CPED1: variants seen among roughly 807,000 people sequenced by gnomAD.
CPED1 encodes cadherin like and PC-esterase domain containing 1.
CPED1 carries 114 observed loss-of-function variants against 128.2 expected under a neutral mutation model. That is an observed-to-expected ratio of 0.89 (90% CI 0.76 to 1.04). The LOEUF (loss-of-function observed/expected upper bound fraction) is 1.04, where lower values mean the gene tolerates loss of function less well. Ranked by LOEUF, CPED1 falls within the 50% of genes least tolerant of loss-of-function variation. The pLI is 0.00. For synonymous variants in CPED1, 462 were observed against 426.7 expected (o/e 1.08, Z -1.02); for missense variants, 1,211 against 1,207.1 (o/e 1.00, Z -0.05).
intron 3 of CPED1, among the ~76,000 whole-genome samples, chr7:121,026,674 A>AG (rs1792594240): frequency 6.6e-6 from 1 of 151,900 alleles, no homozygotes; most frequent in Non-Finnish European, 1.5e-5. Flanking sequence ...TTTAAAAAAA[A>AG]AAAAAAAAAA....
intron 16 of CPED1, among the ~76,000 whole-genome samples, chr7:121,152,426 G>T (rs2402559): frequency 0.43 from 65,279 of 152,078 alleles, 15,533 homozygotes; most frequent in East Asian, 0.84. Flanking sequence ...TTCTTTGAGT[G>T]AAATAATCCC....
intron 16 of CPED1, among the ~76,000 whole-genome samples, chr7:121,189,959 C>T (rs183149600): frequency 1.3e-5 from 2 of 151,416 alleles, no homozygotes; most frequent in East Asian, 1.9e-4. Flanking sequence ...CAGGCAACAA[C>T]AGTGAACAAG....
chr7:121,144,630 T>C (rs867127745), intron 16 of CPED1, among the ~76,000 whole-genome samples: 1 of 151,970 alleles, frequency 6.6e-6, no homozygotes, highest in South Asian at 2.1e-4. Flanking sequence ...ACAGGGCAAC[T>C]GTAGTTAGCA....
chr7:121,202,144 G>A (rs1797414157), intron 16 of CPED1, among the ~76,000 whole-genome samples: 1 of 152,064 alleles, frequency 6.6e-6, no homozygotes, highest in Non-Finnish European at 1.5e-5. Flanking sequence ...CCTCTGACCT[G>A]GCTTCCAAAC....
At chr7:121,290,178 G>C (rs148556401) in intron 22 of CPED1, among the ~76,000 whole-genome samples, 7 of 152,118 alleles carry the variant, frequency 4.6e-5, no homozygotes, top group African/African-American at 7.2e-5. Flanking sequence ...TGGTATATAC[G>C]TGCCACATTT....
intron 16 of CPED1, among the ~76,000 whole-genome samples, chr7:121,220,853 A>G (rs1797859304): frequency 6.6e-6 from 1 of 152,034 alleles, no homozygotes; most frequent in Admixed American, 6.6e-5. Flanking sequence ...AATCAAGTAT[A>G]TATACTAACA....
In CPED1 at chr7:121,044,648, C is replaced by CTTTTTTTTTTTTTTTT. The variant is rs35159862; in HGVS notation, c.434-2238_434-2237insTTTTTTTTTTTTTTTT. On this transcript the variant is annotated intron_variant, in intron 3 of 22. Coordinates refer to ENST00000310396, the MANE Select transcript of CPED1 (RefSeq NM_024913.5). Reference sequence around the variant, plus strand: ...GATTGCTGAGAGCAGTGACTTTCTGCTCTTTTTTTTTTTTTTTTTTTGCTA... The same window carrying CTTTTTTTTTTTTTTTT: ...GATTGCTGAGAGCAGTGACTTTCTGCTTTTTTTTTTTTTTTTTCTTTTTTTTTTTTTTTTTTTGCTA... Among the ~76,000 whole-genome samples, 212 of 69,456 alleles carry CTTTTTTTTTTTTTTTT rather than the reference C, an allele frequency of 3.1e-3. 54 individuals carry two copies. Among genetic ancestry groups the CTTTTTTTTTTTTTTTT allele is most frequent in the South Asian group, 4.3e-3 (7 of 1,612 alleles). The allele number at this position is 69,456 out of a possible 152,430, so 45.6% of individuals were successfully genotyped here.
intron 16 of CPED1, among the ~76,000 whole-genome samples, chr7:121,148,960 A>G (rs1796089943): frequency 6.6e-6 from 1 of 152,212 alleles, no homozygotes; most frequent in African/African-American, 2.4e-5. Context: ...TGCTGTGCCT[A>G]ACAGAGTAGT....
At chr7:121,187,120 A>G (rs184121079) in intron 16 of CPED1, among the ~76,000 whole-genome samples, 9 of 152,340 alleles carry the variant, frequency 5.9e-5, no homozygotes, top group Admixed American at 3.3e-4. Flanking sequence ...GGAGTTTATA[A>G]TATATTTTAT....
intron 14 of CPED1, among the ~76,000 whole-genome samples, chr7:121,139,699 A>C (rs1795858988): frequency 6.6e-6 from 1 of 152,094 alleles, no homozygotes; most frequent in Non-Finnish European, 1.5e-5. Flanking sequence ...ATGGAAGACA[A>C]ATCAACAGAT....
At chr7:121,039,312 G>A (rs768368431) in intron 3 of CPED1, among the ~76,000 whole-genome samples, 1 of 151,854 alleles carries the variant, frequency 6.6e-6, no homozygotes, top group South Asian at 2.1e-4. Context: ...GTGTGTCTTC[G>A]ACGTACCTTT....
chr7:121,278,007 A>C (rs1265178177), intron 22 of CPED1, among the ~76,000 whole-genome samples: 1 of 152,098 alleles, frequency 6.6e-6, no homozygotes, highest in Non-Finnish European at 1.5e-5. Flanking sequence ...AGGATTCCAA[A>C]ATAATGTTTT....
intron 17 of CPED1, among the ~76,000 whole-genome samples, chr7:121,241,144 C>T: frequency 1.8e-5 from 1 of 55,648 alleles, no homozygotes; most frequent in East Asian, 2.5e-4. Context: ...GAGATCGAGA[C>T]CATCCCGGCT....
At chr7:121,008,538 T>G (rs1265251319) in intron 2 of CPED1, among the ~76,000 whole-genome samples, 1 of 152,172 alleles carries the variant, frequency 6.6e-6, no homozygotes, top group South Asian at 2.1e-4. Context: ...TTATTTTCTT[T>G]CATACACAAT....
intron 18 of CPED1, among the ~76,000 whole-genome samples, chr7:121,256,129 C>CAAAAAA (rs201393067): frequency 7.4e-4 from 75 of 101,146 alleles, no homozygotes; most frequent in East Asian, 3.1e-3. Context: ...AAAAACAAAA[C>CAAAAAA]AAAAAAAAAA....
intron 1 of CPED1, 65 bp from the exon 2 acceptor site, chr7:120,989,326 A>T: frequency 2.8e-6 from 1 of 353,134 alleles, no homozygotes. Flanking sequence ...ACAGTTTGGC[A>T]GCCTGGGGTA....
At chr7:121,100,133 A>T (rs375548007) in intron 7 of CPED1, 39 bp downstream of exon 7, 1 of 1,593,670 alleles carries the variant, frequency 6.3e-7, no homozygotes, top group East Asian at 2.2e-5. Flanking sequence ...ACGTAAGTAC[A>T]CTGAAGTAAA....
chr7:121,159,710 C>CGA (rs1796370809), intron 16 of CPED1, among the ~76,000 whole-genome samples: 1 of 152,098 alleles, frequency 6.6e-6, no homozygotes, highest in African/African-American at 2.4e-5. Flanking sequence ...CTACAATTAG[C>CGA]TAACACTCTG....
chr7:121,176,899 T>A (rs1434515090), intron 16 of CPED1, among the ~76,000 whole-genome samples: 1 of 152,076 alleles, frequency 6.6e-6, no homozygotes, highest in Non-Finnish European at 1.5e-5. Context: ...AGGAAGCATC[T>A]GTGATAATAG....
Sources: allele counts gnomAD v4.1 joint callset (sites outside exome capture counted in the v4.1 genomes callset), GRCh38; gene constraint gnomAD v4.1.1; transcripts MANE v1.5; gene names NCBI Gene and HGNC (gene_info 2026-07-23, HGNC 2026-07-21).